The following DNAH11 variants were observed in gnomAD, a reference collection of about 807,000 sequenced individuals.
DNAH11 encodes the protein axonemal beta dynein heavy chain 11.
Under a neutral mutation model 526.0 loss-of-function variants are expected in DNAH11, and 442 were observed. The observed-to-expected ratio is 0.84, with a 90% CI of 0.78 to 0.91. DNAH11 has a LOEUF of 0.91. DNAH11 is among the 40% of genes least tolerant of loss of function. The pLI is 0.00. For missense variants in DNAH11, 6,989 were observed against 5,448.7 expected, an observed-to-expected ratio of 1.28 and a Z score of -8.90; for synonymous variants, 2,461 against 1,935.9, an observed-to-expected ratio of 1.27 and a Z score of -7.12.
At chr7:21,594,037 C>T (rs1015421982) in intron 14 of DNAH11, among the ~76,000 whole-genome samples, 13 of 149,034 alleles carry the variant, frequency 8.7e-5, no homozygotes, top group African/African-American at 3.2e-4. Context: ...CTCTTTCTCC[C>T]TCATGCACAC....
chr7:21,901,474 T>TAGGAGAATCACTTGAACCTAGGAGGCAA lies in DNAH11; in HGVS notation c.*224_*251dup, dbSNP rs1562615543. 2.0e-6 allele frequency: 1 copy of TAGGAGAATCACTTGAACCTAGGAGGCAA among 511,394 alleles called. No homozygotes were observed. Among genetic ancestry groups the TAGGAGAATCACTTGAACCTAGGAGGCAA allele is most frequent in the African/African-American group, 2.0e-5 (1 of 50,480 alleles). 31.7% of individuals were successfully genotyped at this position (511,394 alleles called of 1,614,324 possible). ...ACTGTAATCCCAGTTACTCAGGAGGTAGGAGAATCACTTGAACCTAGGAGG... is the reference window on the plus strand; with the variant it reads ...ACTGTAATCCCAGTTACTCAGGAGGTAGGAGAATCACTTGAACCTAGGAGGCAAAGGAGAATCACTTGAACCTAGGAGG... On this transcript the variant is annotated 3_prime_UTR_variant, in exon 82 of 82. Transcript: ENST00000409508.
rs1293978275 is a variant in DNAH11, at chr7:21,827,108, C to T, written c.10691+8769C>T. On this transcript the variant is annotated intron_variant, in intron 65 of 81. Coordinates refer to ENST00000409508, the MANE Select transcript of DNAH11 (RefSeq NM_001277115.2). Reference sequence around the variant, plus strand: ...TCGAGTAATGGTTTCATCAATAGCACATTAAATCTGTGTTTGAGAAGATAT... The same window carrying T: ...TCGAGTAATGGTTTCATCAATAGCATATTAAATCTGTGTTTGAGAAGATAT... Among the ~76,000 whole-genome samples the T allele has an allele frequency of 4.6e-5, 7 of 152,184 alleles. 1 individual carries two copies. In the East Asian group the frequency reaches 5.8e-4, roughly 13 times the overall value.
intron 65 of DNAH11, among the ~76,000 whole-genome samples, chr7:21,832,412 C>T (rs900329179): frequency 6.6e-6 from 1 of 152,122 alleles, no homozygotes; most frequent in African/African-American, 2.4e-5. Flanking sequence ...TTTTATTTCT[C>T]CTTCGCTTAT....
At chr7:21,575,637 T>A (rs1248106092) in intron 8 of DNAH11, among the ~76,000 whole-genome samples, 1 of 152,226 alleles carries the variant, frequency 6.6e-6, no homozygotes, top group Non-Finnish European at 1.5e-5. Flanking sequence ...AAAGGTAACA[T>A]CTGTAAAAAC....
intron 28 of DNAH11, among the ~76,000 whole-genome samples, chr7:21,648,046 C>A (rs1338609959): frequency 6.6e-6 from 1 of 151,924 alleles, no homozygotes; most frequent in African/African-American, 2.4e-5. Flanking sequence ...TGGAATGGTA[C>A]CAAAAACATA....
At chr7:21,692,648 T>G (rs909630335) in intron 35 of DNAH11, among the ~76,000 whole-genome samples, 3 of 152,196 alleles carry the variant, frequency 2.0e-5, no homozygotes, top group African/African-American at 7.2e-5. Context: ...GTGCGATGTT[T>G]ACATGAACAT....
In DNAH11 at chr7:21,617,248, T is replaced by G. The variant is rs76641902; in HGVS notation, c.4096-371T>G. On this transcript the variant is annotated intron_variant, in intron 22 of 81. Transcript: ENST00000409508. ...CCAAGGCTGTTGTTTAAATGAGTCATGTATTCCGAAGGAGGTCTTAGTAAT... is the reference window on the plus strand; with the variant it reads ...CCAAGGCTGTTGTTTAAATGAGTCAGGTATTCCGAAGGAGGTCTTAGTAAT... Among the ~76,000 whole-genome samples the G allele has an allele frequency of 3.6e-3, 542 of 152,362 alleles. 4 individuals carry two copies. Among genetic ancestry groups the G allele is most frequent in the African/African-American group, 0.012 (519 of 41,584 alleles).
At chr7:21,632,595 C>T (rs112740947) in intron 25 of DNAH11, among the ~76,000 whole-genome samples, 5,244 of 152,268 alleles carry the variant, frequency 0.034, 237 homozygotes, top group African/African-American at 0.096. Flanking sequence ...AAAAACTCCA[C>T]CAGTCTCTTT....
intron 28 of DNAH11, 93 bp downstream of exon 28, chr7:21,639,158 C>T (rs756138900): frequency 2.2e-5 from 31 of 1,406,598 alleles, no homozygotes; most frequent in Non-Finnish European, 2.7e-5. Context: ...TGTCATGTCA[C>T]GTGGGCCAGG....
intron 52 of DNAH11, among the ~76,000 whole-genome samples, chr7:21,749,049 G>A (rs1048894755): frequency 3.2e-4 from 49 of 152,154 alleles, no homozygotes; most frequent in African/African-American, 9.9e-4. Flanking sequence ...AACCTGATGC[G>A]TATTGCTGTT....
intron 75 of DNAH11, among the ~76,000 whole-genome samples, chr7:21,882,216 C>T (rs1041493997): frequency 6.6e-6 from 1 of 152,152 alleles, no homozygotes; most frequent in Non-Finnish European, 1.5e-5. Flanking sequence ...ACACGTGTTT[C>T]TCTCCAGCTC....
chr7:21,875,634 C>T (rs1446986547), intron 74 of DNAH11, among the ~76,000 whole-genome samples: 1 of 152,098 alleles, frequency 6.6e-6, no homozygotes, highest in Admixed American at 6.6e-5. Context: ...GTGCTTCAGC[C>T]TGGGCAACAG....
At chr7:21,812,375 T>G (rs1490672552) in intron 63 of DNAH11, among the ~76,000 whole-genome samples, 3 of 152,028 alleles carry the variant, frequency 2.0e-5, no homozygotes, top group Non-Finnish European at 4.4e-5. Flanking sequence ...GTAATGGGAT[T>G]AAGAAAATGA....
intron 30 of DNAH11, among the ~76,000 whole-genome samples, chr7:21,670,616 G>A (rs1380536778): frequency 6.6e-6 from 1 of 152,012 alleles, no homozygotes; most frequent in Non-Finnish European, 1.5e-5. Flanking sequence ...TACATTCTTT[G>A]GTAAGAGTAA....
intron 30 of DNAH11, among the ~76,000 whole-genome samples, chr7:21,677,293 T>G (rs879439814): frequency 1.3e-5 from 2 of 151,912 alleles, no homozygotes; most frequent in African/African-American, 4.8e-5. Flanking sequence ...CAACATGAGC[T>G]TGCTTTGTGT....
At chr7:21,593,321 A>T (rs1784757703) in intron 14 of DNAH11, among the ~76,000 whole-genome samples, 1 of 152,144 alleles carries the variant, frequency 6.6e-6, no homozygotes. Context: ...AGGTGATTTC[A>T]TGTGGTGGCA....
chr7:21,628,396 T>C (rs1786451397), intron 25 of DNAH11, among the ~76,000 whole-genome samples: 1 of 152,166 alleles, frequency 6.6e-6, no homozygotes, highest in Non-Finnish European at 1.5e-5. Context: ...TATCAAATTT[T>C]CCCCATTCAG....
chr7:21,660,936 T>C (rs1782218541), intron 30 of DNAH11, among the ~76,000 whole-genome samples: 1 of 152,144 alleles, frequency 6.6e-6, no homozygotes, highest in African/African-American at 2.4e-5. Context: ...ATATTATTTC[T>C]TTATATGGAT....
intron 36 of DNAH11, among the ~76,000 whole-genome samples, 161 bp downstream of exon 36, chr7:21,698,374 A>T (rs1783937453): frequency 6.6e-6 from 1 of 152,168 alleles, no homozygotes; most frequent in Admixed American, 6.5e-5. Flanking sequence ...TTTTTTGGTT[A>T]CATGGATAAG....
Sources: allele counts gnomAD v4.1 joint callset (sites outside exome capture counted in the v4.1 genomes callset), GRCh38; gene constraint gnomAD v4.1.1; transcripts MANE v1.5; gene names NCBI Gene and HGNC (gene_info 2026-07-23, HGNC 2026-07-21).